GABRB2: variants seen among roughly 807,000 people sequenced by gnomAD.
The protein encoded by GABRB2 is gamma-aminobutyric acid type A receptor subunit beta2.
Under a neutral mutation model 54.7 loss-of-function variants are expected in GABRB2, and 16 were observed. The observed-to-expected ratio is 0.29, with a 90% CI of 0.20 to 0.44. The LOEUF (loss-of-function observed/expected upper bound fraction) is 0.44, where lower values mean the gene tolerates loss of function less well. GABRB2 is among the 20% of genes least tolerant of loss of function. The pLI, the probability that GABRB2 is intolerant of heterozygous loss-of-function variation, is 1.00. For synonymous variants in GABRB2, 244 were observed against 233.8 expected (o/e 1.04, Z -0.40); for missense variants, 355 against 644.0 (o/e 0.55, Z 4.86).
intron 3 of GABRB2, among the ~76,000 whole-genome samples, chr5:161,499,807 G>C (rs1015038754): frequency 1.3e-5 from 2 of 152,172 alleles, no homozygotes; most frequent in African/African-American, 4.8e-5. Flanking sequence ...GCAGTGCAAA[G>C]CATGGTGAAC....
At chr5:161,538,537 C>T (rs112628039) in intron 3 of GABRB2, among the ~76,000 whole-genome samples, 193 of 152,102 alleles carry the variant, frequency 1.3e-3, no homozygotes, top group Non-Finnish European at 1.9e-3. Flanking sequence ...ATAGTAAACG[C>T]CTACCTGGGC....
intron 3 of GABRB2, among the ~76,000 whole-genome samples, chr5:161,479,878 G>A (rs529921995): frequency 4.6e-5 from 7 of 152,052 alleles, no homozygotes; most frequent in South Asian, 2.1e-4. Context: ...GTGAGTCACC[G>A]CACCCAGCTG....
chr5:161,346,677 T>C (rs1164623260), intron 5 of GABRB2, among the ~76,000 whole-genome samples: 2 of 152,132 alleles, frequency 1.3e-5, no homozygotes, highest in Non-Finnish European at 2.9e-5. Context: ...AAAAGAGTTA[T>C]TAGTCTGTAA....
At position 161,330,905 on chromosome 5, in the gene GABRB2, T is replaced by G. The variant is rs750921424; in HGVS notation, c.1055A>C (p.Lys352Thr). Residue 352 changes from lysine to threonine, a missense_variant, in exon 8 of 10, where the codon AAG becomes ACG. Coordinates refer to ENST00000393959, the MANE Select transcript of GABRB2 (RefSeq NM_001371727.1). ...AEKAASANNE[K>T]MRLDVNKIFY... ...TACCTTGTTGACATCCAGGCGCATC[T>G]TCTCATTGTTGGCACTGGCAGCCTT... 1 of 1,614,242 alleles carries G rather than the reference T, an allele frequency of 6.2e-7. No individual in the cohort carries two copies. Among genetic ancestry groups the G allele is most frequent in the South Asian group, 1.1e-5 (1 of 91,092 alleles).
chr5:161,399,782 A>C (rs568413356), intron 5 of GABRB2, among the ~76,000 whole-genome samples: 1 of 152,236 alleles, frequency 6.6e-6, no homozygotes, highest in South Asian at 2.1e-4. Context: ...CTTCTCCAAG[A>C]CCCCATGTCC....
At chr5:161,389,930 T>G in intron 5 of GABRB2, among the ~76,000 whole-genome samples, 1 of 151,926 alleles carries the variant, frequency 6.6e-6, no homozygotes. Context: ...GAGTTTAAAT[T>G]TCCTAAATTA....
chr5:161,349,732 G>A (rs1351018131), intron 5 of GABRB2, among the ~76,000 whole-genome samples: 1 of 152,098 alleles, frequency 6.6e-6, no homozygotes, highest in Non-Finnish European at 1.5e-5. Flanking sequence ...ATAACAGTCA[G>A]AAGAACTGAT....
At chr5:161,414,977 T>C (rs1047129675) in intron 4 of GABRB2, among the ~76,000 whole-genome samples, 5 of 152,212 alleles carry the variant, frequency 3.3e-5, no homozygotes, top group African/African-American at 1.2e-4. Context: ...TTGAGACTTT[T>C]TGATTTATAA....
intron 4 of GABRB2, among the ~76,000 whole-genome samples, chr5:161,428,307 G>GTT (rs796868095): frequency 1.3e-4 from 20 of 152,038 alleles, no homozygotes; most frequent in African/African-American, 4.8e-4. Context: ...GTGTGTGTGT[G>GTT]TGTGTGTGTG....
intron 3 of GABRB2, among the ~76,000 whole-genome samples, chr5:161,478,141 T>C (rs1404002335): frequency 6.6e-6 from 1 of 151,960 alleles, no homozygotes; most frequent in Non-Finnish European, 1.5e-5. Flanking sequence ...ATAAACCATA[T>C]TAATCACAAA....
At chr5:161,332,500 G>A (rs1020346245) in intron 7 of GABRB2, among the ~76,000 whole-genome samples, 2 of 152,164 alleles carry the variant, frequency 1.3e-5, no homozygotes, top group African/African-American at 2.4e-5. Context: ...TCTCTTGACA[G>A]TGGGAAGTAG....
chr5:161,348,752 C>T (rs1754386186), intron 5 of GABRB2, among the ~76,000 whole-genome samples: 1 of 152,016 alleles, frequency 6.6e-6, no homozygotes, highest in Non-Finnish European at 1.5e-5. Context: ...AAACATAATT[C>T]ACTTTTGAAT....
intron 5 of GABRB2, among the ~76,000 whole-genome samples, chr5:161,376,222 A>T (rs1755290879): frequency 6.6e-6 from 1 of 152,172 alleles, no homozygotes; most frequent in African/African-American, 2.4e-5. Flanking sequence ...ATAAAAGGGG[A>T]AGTGGGAACT....
intron 9 of GABRB2, among the ~76,000 whole-genome samples, chr5:161,312,203 A>G (rs1448171451): frequency 6.6e-6 from 1 of 152,202 alleles, no homozygotes; most frequent in Non-Finnish European, 1.5e-5. Context: ...TACACAGTGA[A>G]TTACCCCAGT....
chr5:161,366,577 G>A (rs1754978817), intron 5 of GABRB2, among the ~76,000 whole-genome samples: 1 of 152,122 alleles, frequency 6.6e-6, no homozygotes, highest in Non-Finnish European at 1.5e-5. Flanking sequence ...TTTAGCACAA[G>A]GTAAGTGCTC....
intron 3 of GABRB2, among the ~76,000 whole-genome samples, chr5:161,536,170 T>A (rs1760628155): frequency 1.3e-5 from 2 of 152,186 alleles, no homozygotes; most frequent in Admixed American, 6.5e-5. Context: ...CTAAATGGAC[T>A]AAGACAAGTA....
rs185132523 is a variant in GABRB2, at chr5:161,350,713, A to T, written c.542-13944T>A. Among the ~76,000 whole-genome samples the T allele has an allele frequency of 2.9e-4, 44 of 152,236 alleles. No homozygotes were observed. In the East Asian group the frequency reaches 5.2e-3, roughly 18 times the overall value. ...CAATCTGGGTGGGCACCATCTAATT[A>T]GCTGCCAGTGCAGCCAGGATAAAAG... is the stretch of plus-strand genomic sequence containing the variant. On this transcript the variant is annotated intron_variant, in intron 5 of 9. Coordinates refer to ENST00000393959, the MANE Select transcript of GABRB2 (RefSeq NM_001371727.1).
intron 9 of GABRB2, among the ~76,000 whole-genome samples, chr5:161,310,906 G>A (rs765970946): frequency 1.8e-4 from 28 of 152,036 alleles, no homozygotes; most frequent in Admixed American, 7.2e-4. Context: ...GATTACAGGC[G>A]TCCACCACCA....
At chr5:161,514,825 CTT>C (rs1389318403) in intron 3 of GABRB2, among the ~76,000 whole-genome samples, 1 of 152,168 alleles carries the variant, frequency 6.6e-6, no homozygotes, top group East Asian at 1.9e-4. Flanking sequence ...AAACCAATCT[CTT>C]TCATTTATCT....
Sources: gnomAD v4.1 joint callset for allele counts (sites outside exome capture counted in the v4.1 genomes callset) on GRCh38, gnomAD v4.1.1 for gene constraint, MANE v1.5 for transcripts, NCBI Gene and HGNC (gene_info 2026-07-23, HGNC 2026-07-21) for gene names.